Variants in MAGI3 observed in about 807,000 individuals in gnomAD.
MAGI3 encodes the protein membrane-associated guanylate kinase, WW and PDZ domain-containing protein 3.
Under a neutral mutation model 121.8 loss-of-function variants are expected in MAGI3, and 43 were observed. The ratio of observed to expected loss-of-function variants is 0.35; its 90% CI spans 0.28 to 0.46. The LOEUF is 0.46. Ranked by LOEUF, MAGI3 falls within the 20% of genes least tolerant of loss-of-function variation. MAGI3 has a pLI of 1.00. For missense variants in MAGI3, 1,547 were observed against 1,797.3 expected (o/e 0.86, Z 2.52); for synonymous variants, 553 against 639.3 (o/e 0.86, Z 2.04).
chr1:113,512,987 G>C (rs571276472), intron 1 of MAGI3, among the ~76,000 whole-genome samples: 96 of 151,954 alleles, frequency 6.3e-4, no homozygotes, highest in Non-Finnish European at 8.1e-4. Flanking sequence ...CAATAACAGA[G>C]AAACAGAGAG....
intron 6 of MAGI3, 29 bp from the exon 7 acceptor site, chr1:113,614,572 G>A (rs1316075960): frequency 2.6e-6 from 4 of 1,540,172 alleles, no homozygotes; most frequent in African/African-American, 1.4e-5. Flanking sequence ...TTTGAATCTG[G>A]CATTTCACTC....
chr1:113,683,602 A>G lies in MAGI3; in HGVS notation c.4034A>G (p.Gln1345Arg). 1.2e-6 allele frequency: 2 copies of G among 1,613,938 alleles called. No individual in the cohort carries two copies. Among genetic ancestry groups the G allele is most frequent in the South Asian group, 2.2e-5 (2 of 91,084 alleles). Residue 1345 changes from glutamine to arginine, a missense_variant, in exon 21 of 21, where the codon CAG (glutamine) becomes CGG (arginine). Physicochemically the swap from Gln to Arg is conservative, Grantham distance 43. Coordinates refer to ENST00000307546, the MANE Select transcript of MAGI3 (RefSeq NM_001142782.2). ...DVIRKDAKQN[Q>R]LEKSRTRSPE... Reference sequence around the variant, plus strand: ...ATCAGGAAAGATGCAAAGCAGAATCAGTTGGAAAAAAGCAGAACAAGGTCT... The same window carrying G: ...ATCAGGAAAGATGCAAAGCAGAATCGGTTGGAAAAAAGCAGAACAAGGTCT...
At chr1:113,553,680 G>A (rs72986648) in intron 2 of MAGI3, among the ~76,000 whole-genome samples, 1 of 152,120 alleles carries the variant, frequency 6.6e-6, no homozygotes, top group Admixed American at 6.6e-5. Flanking sequence ...TAGCAAAAAA[G>A]GAAGAAAGAA....
At position 113,416,205 on chromosome 1, in the gene MAGI3, A is replaced by G. The variant is rs1652342227; in HGVS notation, c.316+24856A>G. ...ACATATTAATTATGTAATTAATGAC[A>G]CATATTATTATGTGTAATTAATGAC... On this transcript the variant is annotated intron_variant, in intron 1 of 20. Coordinates refer to ENST00000307546, the MANE Select transcript of MAGI3 (RefSeq NM_001142782.2). Among the ~76,000 whole-genome samples, 2 of 117,252 alleles carry G rather than the reference A, an allele frequency of 1.7e-5. 1 individual carries two copies. The highest frequency in any genetic ancestry group is 3.7e-5 in the Non-Finnish European group (2 of 54,384). The allele number at this position is 117,252 out of a possible 152,430, so 76.9% of individuals were successfully genotyped here.
At chr1:113,621,567 A>G (rs1650822507) in intron 8 of MAGI3, among the ~76,000 whole-genome samples, 1 of 152,172 alleles carries the variant, frequency 6.6e-6, no homozygotes, top group Non-Finnish European at 1.5e-5. Flanking sequence ...AAATATGTCC[A>G]CACAAAACCT....
chr1:113,676,817 T>C (rs1647896102), intron 19 of MAGI3, among the ~76,000 whole-genome samples: 1 of 152,298 alleles, frequency 6.6e-6, no homozygotes, highest in Middle Eastern at 3.4e-3. Context: ...TTGTGTCCTA[T>C]ACCTATTATT....
At chr1:113,545,073 GTTTT>G (rs1177071391) in intron 1 of MAGI3, among the ~76,000 whole-genome samples, 1 of 141,366 alleles carries the variant, frequency 7.1e-6, no homozygotes, top group Non-Finnish European at 1.5e-5. Context: ...TTGTTTGTTT[GTTTT>G]GTTTTGTTTT....
chr1:113,656,778 TC>T (rs1345585712), intron 15 of MAGI3, among the ~76,000 whole-genome samples: 1 of 152,180 alleles, frequency 6.6e-6, no homozygotes, highest in African/African-American at 2.4e-5. Flanking sequence ...CAAGAAGAGT[TC>T]CTAGTAGCAT....
chr1:113,437,769 TCTTC>T (rs141629652), intron 1 of MAGI3, among the ~76,000 whole-genome samples: 3,340 of 151,306 alleles, frequency 0.022, 125 homozygotes, highest in African/African-American at 0.077. Context: ...TTTTCTTTCT[TCTTC>T]CTTCTTTCTT....
chr1:113,407,141 G>C (rs1442567584), intron 1 of MAGI3, among the ~76,000 whole-genome samples: 1 of 152,128 alleles, frequency 6.6e-6, no homozygotes, highest in South Asian at 2.1e-4. Flanking sequence ...AATGCCACTG[G>C]AAAGTATAAA....
At chr1:113,490,113 A>G (rs1416216020) in intron 1 of MAGI3, among the ~76,000 whole-genome samples, 1 of 152,182 alleles carries the variant, frequency 6.6e-6, no homozygotes, top group Non-Finnish European at 1.5e-5. Flanking sequence ...GTCAAAATGA[A>G]TGAAAAAAAT....
At chr1:113,665,770 A>G (rs776459643) in intron 16 of MAGI3, among the ~76,000 whole-genome samples, 21 of 152,078 alleles carry the variant, frequency 1.4e-4, no homozygotes, top group Non-Finnish European at 2.9e-4. Flanking sequence ...GTGAGTCTCA[A>G]TAGATTATAA....
At chr1:113,657,584 T>C (rs1045066052) in intron 15 of MAGI3, among the ~76,000 whole-genome samples, 7 of 152,212 alleles carry the variant, frequency 4.6e-5, no homozygotes, top group African/African-American at 1.7e-4. Context: ...TCAGAGTATC[T>C]AGAAAGAACA....
intron 2 of MAGI3, among the ~76,000 whole-genome samples, chr1:113,557,712 T>C (rs113430945): frequency 7.9e-5 from 12 of 152,124 alleles, no homozygotes; most frequent in Non-Finnish European, 1.8e-4. Flanking sequence ...ACAACACAAC[T>C]CCTTTACCAA....
chr1:113,663,235 A>ATAT (rs1653874325), intron 16 of MAGI3, among the ~76,000 whole-genome samples: 1 of 144,036 alleles, frequency 6.9e-6, no homozygotes, highest in Non-Finnish European at 1.5e-5. Context: ...CAAAAACAGA[A>ATAT]ATATATATAT....
intron 2 of MAGI3, among the ~76,000 whole-genome samples, chr1:113,577,389 G>C (rs930929420): frequency 7.2e-5 from 11 of 152,244 alleles, no homozygotes; most frequent in Admixed American, 6.5e-4. Flanking sequence ...AGGAGACAGT[G>C]AGAGGAGAAT....
In MAGI3 at chr1:113,670,003, CAAAAAAAAAAAAA is replaced by C. The variant is rs11302295; in HGVS notation, c.2816-1721_2816-1709del. Among the ~76,000 whole-genome samples, 56 of 85,242 alleles carry C rather than the reference CAAAAAAAAAAAAA, an allele frequency of 6.6e-4. 2 individuals carry two copies. The highest frequency in any genetic ancestry group is 6.4e-3 in the Admixed American group (55 of 8,604). 55.9% of individuals were successfully genotyped at this position (85,242 alleles called of 152,430 possible). A position where few individuals can be genotyped will look rare whatever the true frequency, so the allele number is the denominator to read the frequency against. ...AAAGAGCAACAAATTTCCAGGTCTC[CAAAAAAAAAAAAA>C]AAAAAAAAAGTTCATAGCCCACTCT... is the stretch of plus-strand genomic sequence containing the variant. On this transcript the variant is annotated intron_variant, in intron 16 of 20. Transcript: ENST00000307546.
chr1:113,671,313 G>C (rs77600616), intron 16 of MAGI3, among the ~76,000 whole-genome samples: 3,402 of 152,152 alleles, frequency 0.022, 133 homozygotes, highest in African/African-American at 0.077. Context: ...TTTGCAGACT[G>C]GCCTCCGTGT....
intron 6 of MAGI3, among the ~76,000 whole-genome samples, chr1:113,610,120 T>G (rs1462003970): frequency 1.3e-5 from 2 of 151,894 alleles, no homozygotes; most frequent in East Asian, 1.9e-4. Context: ...TTACAAAGCG[T>G]TTTTTTGTTT....
Sources: gnomAD v4.1 joint callset for allele counts (sites outside exome capture counted in the v4.1 genomes callset) on GRCh38, gnomAD v4.1.1 for gene constraint, MANE v1.5 for transcripts, NCBI Gene and HGNC (gene_info 2026-07-23, HGNC 2026-07-21) for gene names.